KMT2A: variants seen among roughly 807,000 people sequenced by gnomAD.
KMT2A encodes histone-lysine N-methyltransferase 2A.
KMT2A carries 16 observed loss-of-function variants against 345.3 expected under a neutral mutation model. The observed-to-expected ratio is 0.05, with a 90% CI of 0.03 to 0.07. The LOEUF (loss-of-function observed/expected upper bound fraction) is 0.07. KMT2A is among the 10% of genes least tolerant of loss of function. The probability of loss-of-function intolerance (pLI) is 1.00; values close to 1 mark genes in which losing one functional copy is unlikely to be tolerated. For synonymous variants in KMT2A, 1,599 were observed against 1,778.6 expected (o/e 0.90, Z 2.54); for missense variants, 3,272 against 4,841.6 (o/e 0.68, Z 9.62).
At chr11:118,453,313 A>G (rs1447778303) in intron 1 of KMT2A, among the ~76,000 whole-genome samples, 6 of 152,068 alleles carry the variant, frequency 3.9e-5, no homozygotes, top group East Asian at 3.9e-4. Context: ...AAGGAGCTCT[A>G]TTTTACCAGA....
intron 28 of KMT2A, chr11:118,507,811 G>T (rs1950612690): frequency 4.2e-6 from 2 of 480,890 alleles, no homozygotes; most frequent in African/African-American, 2.0e-5. Context: ...AATACAAAAA[G>T]AATTAGCCGG....
chr11:118,459,548 G>T (rs1949707271), intron 1 of KMT2A, among the ~76,000 whole-genome samples: 1 of 152,196 alleles, frequency 6.6e-6, no homozygotes, highest in African/African-American at 2.4e-5. Flanking sequence ...TCTGAGGCCA[G>T]GAGTATTGGA....
chr11:118,464,830 T>G (rs998882509), intron 1 of KMT2A, among the ~76,000 whole-genome samples: 3 of 152,152 alleles, frequency 2.0e-5, no homozygotes, highest in African/African-American at 7.2e-5. Context: ...TGGCAACAGT[T>G]TTTTGGGGAT....
At chr11:118,482,555 A>G (rs1363119162) in intron 8 of KMT2A, 60 bp downstream of exon 8, 55 of 1,262,540 alleles carry the variant, frequency 4.4e-5, no homozygotes, top group Admixed American at 3.6e-4. Flanking sequence ...TGTAGGGAAA[A>G]GCCTTATCCT....
chr11:118,519,543 T>C, intron 31 of KMT2A, 75 bp from the exon 32 acceptor site: 5 of 1,349,084 alleles, frequency 3.7e-6, no homozygotes, highest in South Asian at 1.2e-5. Context: ...GACTATAGCA[T>C]AGGCATTTCT....
At chr11:118,443,952 A>T (rs1555026530) in intron 1 of KMT2A, among the ~76,000 whole-genome samples, 1 of 152,218 alleles carries the variant, frequency 6.6e-6, no homozygotes, top group African/African-American at 2.4e-5. Flanking sequence ...GCAACAAAAG[A>T]TATGAATCTT....
In KMT2A at chr11:118,495,582, C is replaced by T; in HGVS notation, c.5364-118C>T. The T allele has an allele frequency of 2.9e-6, 2 of 680,426 alleles. No homozygotes were observed. The highest frequency in any genetic ancestry group is 3.7e-5 in the African/African-American group (2 of 54,078). The allele number at this position is 680,426 out of a possible 1,614,324, so 42.1% of individuals were successfully genotyped here. On this transcript the variant is annotated intron_variant, in intron 18 of 35. Transcript: ENST00000534358. This position sits in a 1 kb window ranked among gnomAD's most constrained non-coding sequence, Gnocchi z 4.1. ...CAATTTTCAAACGCTGTGACTTGTTCTTATATTCTGTGAATGGCTCCTACA... is the reference window on the plus strand; with the variant it reads ...CAATTTTCAAACGCTGTGACTTGTTTTTATATTCTGTGAATGGCTCCTACA...
In KMT2A at chr11:118,519,985, C is replaced by T. The variant is rs1950921784; in HGVS notation, c.11350C>T (p.Leu3784=). 6.2e-7 allele frequency: 1 copy of T among 1,614,094 alleles called. No homozygotes were observed. The highest frequency in any genetic ancestry group is 2.2e-5 in the East Asian group (1 of 44,886). ...GTCAGCATTTGACATGTTTAACTTC[C>T]TGGCTTCTAAACATCGTCAGCCTCC... ...RKSAFDMFNF[L]ASKHRQPPEY... The change falls in exon 33 of 36, where the codon CTG becomes TTG. Residue 3784 remains leucine (L), a synonymous_variant. Coordinates refer to ENST00000534358, the MANE Select transcript of KMT2A (RefSeq NM_001197104.2).
chr11:118,478,263 C>G lies in KMT2A; in HGVS notation c.3569+62C>G, dbSNP rs1950073079. 4 of 1,278,776 alleles carry G rather than the reference C, an allele frequency of 3.1e-6. No homozygotes were observed. The Admixed American group carries it at 6.0e-5, about 19-fold the overall frequency. 79.2% of individuals were successfully genotyped at this position (1,278,776 alleles called of 1,614,324 possible). ...AACCATAAAGGTTGCTTATTTATCC[C>G]TAGTTTGTTGCAGAGATACATCAGG... On this transcript the variant is annotated intron_variant, in intron 5 of 35. Coordinates refer to ENST00000534358, the MANE Select transcript of KMT2A (RefSeq NM_001197104.2).
intron 10 of KMT2A, 90 bp from the exon 11 acceptor site, chr11:118,488,524 A>G (rs781907666): frequency 6.9e-7 from 1 of 1,439,268 alleles, no homozygotes; most frequent in Non-Finnish European, 9.8e-7. Flanking sequence ...GTGGACTACT[A>G]AAACCCAAAG....
chr11:118,507,701 A>C, intron 28 of KMT2A, 92 bp downstream of exon 28: 19 of 994,208 alleles, frequency 1.9e-5, no homozygotes, highest in Non-Finnish European at 2.7e-5. Flanking sequence ...GCAGTGGCTC[A>C]CGCCTGTAAT....
Position 118,503,494 on chromosome 11 carries a change from T to C in KMT2A, c.7602T>C (p.Asn2534=). ...CACTGACACCTCTAAAAATGGAAAATGAGAGTCAATCCAAAAATGCCCTGA... is the reference window on the plus strand; with the variant it reads ...CACTGACACCTCTAAAAATGGAAAACGAGAGTCAATCCAAAAATGCCCTGA... The part of the protein sequence containing the change: ...KVTLTPLKME[N]ESQSKNALKE... The change falls in exon 27 of 36, where the codon AAT becomes AAC. Residue 2534 remains asparagine (N), a synonymous_variant. Transcript: ENST00000534358. This position sits in a 1 kb window ranked among gnomAD's most constrained non-coding sequence, Gnocchi z 5.3. 1 of 1,613,344 alleles carries C rather than the reference T, an allele frequency of 6.2e-7. No individual in the cohort carries two copies. The highest frequency in any genetic ancestry group is 2.2e-5 in the East Asian group (1 of 44,864).
At chr11:118,515,919 C>T (rs1555051475) in intron 31 of KMT2A, among the ~76,000 whole-genome samples, 1 of 152,072 alleles carries the variant, frequency 6.6e-6, no homozygotes, top group Non-Finnish European at 1.5e-5. Flanking sequence ...AACTTCTGAC[C>T]TCAGGTAATC....
chr11:118,518,753 G>A (rs1950882371), intron 31 of KMT2A, among the ~76,000 whole-genome samples: 1 of 138,128 alleles, frequency 7.2e-6, no homozygotes, highest in South Asian at 2.3e-4. Flanking sequence ...CTGCACTCCA[G>A]CCTGGGTGAC....
Position 118,494,380 on chromosome 11 carries a change from C to A in KMT2A, c.5271C>A (p.Val1757=). 1 of 1,583,708 alleles carries A rather than the reference C, an allele frequency of 6.3e-7. No homozygotes were observed. Among genetic ancestry groups the A allele is most frequent in the Non-Finnish European group, 8.7e-7 (1 of 1,152,464 alleles). Residue 1757 remains valine, a synonymous_variant, in exon 17 of 36, where the codon GTC becomes GTA. Transcript: ENST00000534358. This position sits in a 1 kb window ranked among gnomAD's most constrained non-coding sequence, Gnocchi z 5.8. ...QPEIKKANSM[V]KSFFIRQMER... ...AAATTAAAAAAGCCAACAGCATGGT[C>A]AAGTCCTTCTTCATTCGGGTGAATG...
chr11:118,504,190 G>A lies in KMT2A; in HGVS notation c.8298G>A (p.Glu2766=), dbSNP rs1950545630. 2 of 1,614,024 alleles carry A rather than the reference G, an allele frequency of 1.2e-6. No individual in the cohort carries two copies. The highest frequency in any genetic ancestry group is 1.3e-5 in the African/African-American group (1 of 74,900). ...LKIDRPEDAG[E]KEHVTKSSVG... ...TTGATAGACCTGAAGATGCTGGGGAGAAAGAACATGTCACTAAGAGTTCTG... is the reference window on the plus strand; with the variant it reads ...TTGATAGACCTGAAGATGCTGGGGAAAAAGAACATGTCACTAAGAGTTCTG... The change falls in exon 27 of 36, where the codon GAG becomes GAA. Residue 2766 remains glutamate (E), a synonymous_variant. Coordinates refer to ENST00000534358, the MANE Select transcript of KMT2A (RefSeq NM_001197104.2). This position sits in a 1 kb window ranked among gnomAD's most constrained non-coding sequence, Gnocchi z 6.4.
intron 1 of KMT2A, among the ~76,000 whole-genome samples, chr11:118,462,312 TTTTTGTTTTG>T (rs202080031): frequency 4.9e-4 from 74 of 152,024 alleles, no homozygotes; most frequent in South Asian, 8.3e-4. Context: ...TTACTTAGTT[TTTTTGTTTTG>T]TTTTGTTTTG....
At chr11:118,480,103 A>G in intron 5 of KMT2A, 71 bp from the exon 6 acceptor site, 1 of 1,234,730 alleles carries the variant, frequency 8.1e-7, no homozygotes, top group Non-Finnish European at 1.2e-6. Flanking sequence ...GTTGCAGACA[A>G]AATGAACACT....
chr11:118,499,568 G>A, intron 23 of KMT2A, 148 bp downstream of exon 23: 1 of 687,378 alleles, frequency 1.5e-6, no homozygotes, highest in Non-Finnish European at 2.6e-6. Flanking sequence ...CAGATCACTG[G>A]AGGTTCAGGA....
Sources: gnomAD v4.1 joint callset for allele counts (sites outside exome capture counted in the v4.1 genomes callset) on GRCh38, gnomAD v4.1.1 for gene constraint, Gnocchi (gnomAD v3.1) non-coding constraint, MANE v1.5 for transcripts, NCBI Gene and HGNC (gene_info 2026-07-23, HGNC 2026-07-21) for gene names.